PDE4D: variants seen among roughly 807,000 people sequenced by gnomAD.
The protein encoded by PDE4D is 3',5'-cyclic-AMP phosphodiesterase 4D.
In PDE4D, 24 loss-of-function variants were observed where a neutral mutation model predicts 87.4. The ratio of observed to expected loss-of-function variants is 0.27; its 90% CI spans 0.20 to 0.39. The LOEUF (loss-of-function observed/expected upper bound fraction) is 0.39. PDE4D is among the 10% of genes least tolerant of loss of function. PDE4D has a pLI of 1.00. For synonymous variants in PDE4D, 384 were observed against 383.2 expected (o/e 1.00, Z -0.02); for missense variants, 714 against 1,041.0 (o/e 0.69, Z 4.32).
intron 1 of PDE4D, among the ~76,000 whole-genome samples, chr5:59,534,898 T>C (rs1262633305): frequency 6.6e-6 from 1 of 152,114 alleles, no homozygotes; most frequent in Non-Finnish European, 1.5e-5. Context: ...GTGAGAAACC[T>C]TTGGGCCAGG....
intron 1 of PDE4D, among the ~76,000 whole-genome samples, chr5:60,253,726 C>T (rs1748736836): frequency 6.6e-6 from 1 of 151,912 alleles, no homozygotes; most frequent in South Asian, 2.1e-4. Flanking sequence ...ATGCCACATA[C>T]TTCTCATGTC....
At chr5:59,969,464 G>GA (rs1760450082) in intron 3 of PDE4D, among the ~76,000 whole-genome samples, 1 of 152,142 alleles carries the variant, frequency 6.6e-6, no homozygotes, top group Non-Finnish European at 1.5e-5. Context: ...ACTCTCAAGG[G>GA]TTTCTGAGAA....
chr5:60,021,062 C>T (rs1415303746), intron 2 of PDE4D, among the ~76,000 whole-genome samples: 1 of 152,116 alleles, frequency 6.6e-6, no homozygotes, highest in Non-Finnish European at 1.5e-5. Flanking sequence ...GCTATTTGTT[C>T]ATCTTATAGC....
chr5:59,257,585 GA>G (rs1273947308), intron 1 of PDE4D, among the ~76,000 whole-genome samples: 1 of 151,888 alleles, frequency 6.6e-6, no homozygotes, highest in Non-Finnish European at 1.5e-5. Context: ...ATTACATTTA[GA>G]ACTCAGATCA....
chr5:59,928,099 C>G (rs962098472), intron 3 of PDE4D, among the ~76,000 whole-genome samples: 5 of 152,112 alleles, frequency 3.3e-5, no homozygotes, highest in African/African-American at 1.2e-4. Context: ...TGTGTTTGGC[C>G]AAAGTAAATA....
chr5:60,142,812 G>T (rs1734418713), intron 2 of PDE4D, among the ~76,000 whole-genome samples: 1 of 152,140 alleles, frequency 6.6e-6, no homozygotes, highest in Non-Finnish European at 1.5e-5. Context: ...GGCAATGTCT[G>T]AGAAAAAATT....
chr5:59,137,720 G>T (rs1033366939), intron 5 of PDE4D, among the ~76,000 whole-genome samples: 11 of 152,218 alleles, frequency 7.2e-5, no homozygotes, highest in African/African-American at 2.4e-4. Flanking sequence ...TAGAGACAGG[G>T]TTTCACCGTA....
intron 3 of PDE4D, among the ~76,000 whole-genome samples, chr5:59,982,900 G>T (rs1287902070): frequency 6.6e-6 from 1 of 152,116 alleles, no homozygotes; most frequent in African/African-American, 2.4e-5. Context: ...TATTTTCCCA[G>T]CATAGGAGTT....
chr5:59,396,784 T>C lies in PDE4D; in HGVS notation c.456-180816A>G, dbSNP rs1245987224. ...AATGCTCCAATTAAAAGACACAGACTGGCAAATTGGATAAAGAGTCAACAC... is the reference window on the plus strand; with the variant it reads ...AATGCTCCAATTAAAAGACACAGACCGGCAAATTGGATAAAGAGTCAACAC... On this transcript the variant is annotated intron_variant, in intron 1 of 14. Coordinates refer to ENST00000340635, the MANE Select transcript of PDE4D (RefSeq NM_001104631.2). Among the ~76,000 whole-genome samples the C allele has an allele frequency of 2.5e-5, 3 of 118,146 alleles. 1 individual carries two copies. The highest frequency in any genetic ancestry group is 5.4e-5 in the Non-Finnish European group (3 of 55,982). The allele number at this position is 118,146 out of a possible 152,430, so 77.5% of individuals were successfully genotyped here.
In PDE4D at chr5:60,214,596, G is replaced by T. The variant is rs181090748; in HGVS notation, c.-89-28909C>A. Among the ~76,000 whole-genome samples the T allele has an allele frequency of 1.8e-3, 271 of 152,158 alleles. 1 individual carries two copies. Among genetic ancestry groups the T allele is most frequent in the African/African-American group, 4.9e-3 (205 of 41,520 alleles). ...GAATTAAAGATTACTTGTTAGGGCAGAATTAGAAACTGCAAAGTATGAAAT... is the reference window on the plus strand; with the variant it reads ...GAATTAAAGATTACTTGTTAGGGCATAATTAGAAACTGCAAAGTATGAAAT... On this transcript the variant is annotated intron_variant, in intron 1 of 16. Transcript: ENST00000502484.
intron 1 of PDE4D, among the ~76,000 whole-genome samples, chr5:59,780,184 C>T (rs959695342): frequency 3.3e-5 from 5 of 152,144 alleles, no homozygotes; most frequent in East Asian, 1.9e-4. Flanking sequence ...GCCAACATGG[C>T]GAAACCCCGT....
chr5:59,126,923 A>G (rs571456339), intron 5 of PDE4D, among the ~76,000 whole-genome samples: 1 of 152,300 alleles, frequency 6.6e-6, no homozygotes, highest in East Asian at 1.9e-4. Context: ...GAGTGGAACA[A>G]TTAGGAGTGG....
intron 1 of PDE4D, among the ~76,000 whole-genome samples, chr5:60,326,732 C>G (rs73106753): frequency 2.6e-5 from 4 of 152,096 alleles, no homozygotes; most frequent in Admixed American, 2.0e-4. Flanking sequence ...AAAGAACTCA[C>G]AGATTGTTTC....
rs147718779 is a variant in PDE4D, at chr5:60,084,179, T to A, written c.43-95462A>T. ...AGAAATAAACCCCTTATCTGATTATTAATACAGCTGTAAGAGTAAGCATAG... is the reference window on the plus strand; with the variant it reads ...AGAAATAAACCCCTTATCTGATTATAAATACAGCTGTAAGAGTAAGCATAG... On this transcript the variant is annotated intron_variant, in intron 2 of 16. Coordinates refer to the PDE4D transcript ENST00000502484. 1.8e-3 allele frequency among the ~76,000 whole-genome samples: 279 copies of A among 152,322 alleles called. 9 individuals carry two copies. In the East Asian group the frequency reaches 0.045, roughly 25 times the overall value.
chr5:60,383,638 G>A (rs186788978), intron 1 of PDE4D, among the ~76,000 whole-genome samples: 77 of 152,244 alleles, frequency 5.1e-4, no homozygotes, highest in East Asian at 4.1e-3. Context: ...GAGAGTTGGC[G>A]GAAAATTTGA....
chr5:60,010,678 T>C (rs1764938117), intron 2 of PDE4D, among the ~76,000 whole-genome samples: 1 of 152,164 alleles, frequency 6.6e-6, no homozygotes, highest in Non-Finnish European at 1.5e-5. Flanking sequence ...TGAAATGTTG[T>C]ATTTGTTTCA....
intron 1 of PDE4D, among the ~76,000 whole-genome samples, chr5:59,740,918 C>T (rs1229767827): frequency 6.6e-6 from 1 of 152,164 alleles, no homozygotes; most frequent in East Asian, 1.9e-4. Flanking sequence ...ATAACTGCTT[C>T]TTGCATTCAA....
At chr5:60,337,388 TACACACACACACAC>T (rs370108536) in intron 1 of PDE4D, among the ~76,000 whole-genome samples, 4 of 89,476 alleles carry the variant, frequency 4.5e-5, no homozygotes, top group African/African-American at 8.6e-5. Context: ...TATATATATA[TACACACACACACAC>T]ACACATATAT....
intron 1 of PDE4D, among the ~76,000 whole-genome samples, chr5:60,354,073 C>T (rs563771395): frequency 1.3e-5 from 2 of 152,200 alleles, no homozygotes; most frequent in East Asian, 3.9e-4. Context: ...GAAATATGAA[C>T]ATCTATGAAC....
Sources: allele counts gnomAD v4.1 joint callset (sites outside exome capture counted in the v4.1 genomes callset), GRCh38; gene constraint gnomAD v4.1.1; transcripts MANE v1.5; gene names NCBI Gene and HGNC (gene_info 2026-07-23, HGNC 2026-07-21).